SLC5A8: variants seen among roughly 807,000 people sequenced by gnomAD.
SLC5A8 encodes sodium-coupled monocarboxylate transporter 1.
Under a neutral mutation model 71.9 loss-of-function variants are expected in SLC5A8, and 55 were observed. That is an observed-to-expected ratio of 0.77 (90% CI 0.62 to 0.96). The LOEUF is 0.96. Among genes scored for constraint, SLC5A8 ranks in the 40% least tolerant of loss-of-function variants. The probability of loss-of-function intolerance (pLI) is 0.00; values close to 1 mark genes in which losing one functional copy is unlikely to be tolerated. For synonymous variants in SLC5A8, 307 were observed against 276.1 expected, an observed-to-expected ratio of 1.11 and a Z score of -1.11; for missense variants, 701 against 745.3, an observed-to-expected ratio of 0.94 and a Z score of 0.69.
chr12:101,182,454 G>A (rs1480829832), intron 9 of SLC5A8, among the ~76,000 whole-genome samples: 1 of 152,130 alleles, frequency 6.6e-6, no homozygotes, highest in African/African-American at 2.4e-5. Context: ...AGTTGAAAAG[G>A]AAAATAGTTG....
intron 9 of SLC5A8, 94 bp from the exon 10 acceptor site, chr12:101,180,190 A>G: frequency 3.2e-6 from 4 of 1,268,300 alleles, no homozygotes; most frequent in Admixed American, 3.4e-5. Context: ...TTCAAAGTGG[A>G]TAATATGACT....
rs372186123 is a variant in SLC5A8, at chr12:101,158,550, GTCTCTCTCTCTCTCTCTCTC to G, written c.1631-242_1631-223del. Among the ~76,000 whole-genome samples the G allele has an allele frequency of 5.5e-3, 267 of 48,466 alleles. 4 individuals carry two copies. Among genetic ancestry groups the G allele is most frequent in the Middle Eastern group, 0.017 (1 of 58 alleles). The allele number at this position is 48,466 out of a possible 152,430, so 31.8% of individuals were successfully genotyped here. A position where few individuals can be genotyped will look rare whatever the true frequency, so the allele number is the denominator to read the frequency against. On this transcript the variant is annotated intron_variant, in intron 13 of 14. Coordinates refer to ENST00000536262, the MANE Select transcript of SLC5A8 (RefSeq NM_145913.5). ...AAGCCTCTCACTATAATAAATATGA[GTCTCTCTCTCTCTCTCTCTC>G]TCTCTCTCTCTCTCTCTCTCTCTCT...
chr12:101,196,184 C>T (rs942610043), intron 3 of SLC5A8, among the ~76,000 whole-genome samples: 2 of 152,076 alleles, frequency 1.3e-5, no homozygotes, highest in Admixed American at 1.3e-4. Flanking sequence ...TCCAATAGGC[C>T]CCACTGTGTG....
intron 1 of SLC5A8, 105 bp from the exon 2 acceptor site, chr12:101,204,670 G>T: frequency 1.4e-6 from 1 of 703,110 alleles, no homozygotes; most frequent in African/African-American, 1.8e-5. Context: ...CTTCATAACT[G>T]ATTTGTATTC....
chr12:101,170,432 G>A (rs561789046), intron 10 of SLC5A8, among the ~76,000 whole-genome samples: 10 of 152,164 alleles, frequency 6.6e-5, no homozygotes, highest in African/African-American at 1.9e-4. Flanking sequence ...AAGGCAGCCC[G>A]CTAGGGACCC....
Position 101,209,702 on chromosome 12 carries a change from G to A in SLC5A8, c.147C>T (p.Gly49=). 2 of 1,613,348 alleles carry A rather than the reference G, an allele frequency of 1.2e-6. No individual in the cohort carries two copies. Among genetic ancestry groups the A allele is most frequent in the Non-Finnish European group, 1.7e-6 (2 of 1,180,032 alleles). ...CCACGGGCACTGCGGTCATTCTGCG[G>A]CCGCCCATCAGGAAGTCCTTGGAGG... ...QQTSKDFLMG[G]RRMTAVPVAL... Residue 49 remains glycine (G), a synonymous_variant, in exon 1 of 15, where the codon GGC becomes GGT. Transcript: ENST00000536262.
rs2051664477 is a variant in SLC5A8, at chr12:101,156,588, A to G, written c.*691T>C. 1 of 152,256 alleles carries G rather than the reference A, an allele frequency of 6.6e-6. No homozygotes were observed. The highest frequency in any genetic ancestry group is 1.5e-5 in the Non-Finnish European group (1 of 68,076). The allele number at this position is 152,256 out of a possible 1,614,324, so 9.4% of individuals were successfully genotyped here. Reference sequence around the variant, plus strand: ...ATGCAGATAAAAATTACAGTCTAAGAAAGGCAGTATCAGCAGCCAAAGCCC... The same window carrying G: ...ATGCAGATAAAAATTACAGTCTAAGGAAGGCAGTATCAGCAGCCAAAGCCC... On this transcript the variant is annotated 3_prime_UTR_variant, in exon 15 of 15. Coordinates refer to ENST00000536262, the MANE Select transcript of SLC5A8 (RefSeq NM_145913.5).
chr12:101,192,320 T>C (rs1296881330), intron 5 of SLC5A8, among the ~76,000 whole-genome samples: 2 of 152,236 alleles, frequency 1.3e-5, no homozygotes, highest in African/African-American at 4.8e-5. Context: ...AATTAACACA[T>C]TGACCCTGTC....
intron 10 of SLC5A8, among the ~76,000 whole-genome samples, chr12:101,172,829 G>A (rs1263706010): frequency 1.3e-5 from 2 of 152,288 alleles, no homozygotes; most frequent in African/African-American, 2.4e-5. Context: ...TCAGGGCCAG[G>A]AGAGTTGGTT....
At chr12:101,184,838 A>G (rs1159508691) in intron 7 of SLC5A8, among the ~76,000 whole-genome samples, 1 of 152,218 alleles carries the variant, frequency 6.6e-6, no homozygotes, top group African/African-American at 2.4e-5. Flanking sequence ...TCCTGATACT[A>G]ACTTGCTTTT....
chr12:101,196,209 G>A (rs557904434), intron 3 of SLC5A8, among the ~76,000 whole-genome samples: 1 of 152,170 alleles, frequency 6.6e-6, no homozygotes, highest in African/African-American at 2.4e-5. Flanking sequence ...TCTCCTCTGT[G>A]TGTCCATGTA....
At chr12:101,194,692 G>A (rs952089984) in intron 4 of SLC5A8, among the ~76,000 whole-genome samples, 1 of 152,046 alleles carries the variant, frequency 6.6e-6, no homozygotes, top group Non-Finnish European at 1.5e-5. Flanking sequence ...GCCCAGGCTG[G>A]TCTCAAATTC....
chr12:101,158,046 G>A (rs1165986504), intron 14 of SLC5A8, among the ~76,000 whole-genome samples: 8 of 152,140 alleles, frequency 5.3e-5, no homozygotes, highest in African/African-American at 7.2e-5. Context: ...TAGGTATAGC[G>A]TATCAGAGGA....
At chr12:101,166,909 G>T (rs1452613339) in intron 11 of SLC5A8, among the ~76,000 whole-genome samples, 3 of 152,016 alleles carry the variant, frequency 2.0e-5, no homozygotes, top group Admixed American at 6.6e-5. Context: ...AGGTATTGAG[G>T]CAGGGAGAGA....
chr12:101,163,964 C>T (rs747321752), intron 12 of SLC5A8, among the ~76,000 whole-genome samples: 1 of 152,094 alleles, frequency 6.6e-6, no homozygotes, highest in Non-Finnish European at 1.5e-5. Context: ...AAATCAATTC[C>T]AAAGTGGATT....
intron 10 of SLC5A8, among the ~76,000 whole-genome samples, chr12:101,175,318 A>G (rs1391457253): frequency 6.6e-6 from 1 of 152,146 alleles, no homozygotes; most frequent in Non-Finnish European, 1.5e-5. Flanking sequence ...GGATCTGTAG[A>G]ACTATAACAA....
intron 8 of SLC5A8, 101 bp from the exon 9 acceptor site, chr12:101,183,016 T>A: frequency 6.4e-6 from 2 of 313,970 alleles, no homozygotes; most frequent in Admixed American, 5.4e-5. Context: ...TTCTAAAATA[T>A]AACCTGATTT....
At position 101,202,179 on chromosome 12, in the gene SLC5A8, G is replaced by A; in HGVS notation, c.454C>T (p.Leu152=). Reference sequence around the variant, plus strand: ...TAAAATGTACCTTGATTCAAAGCCAGGGCAGGGGCATAAATAACAATTCCA... The same window carrying A: ...TAAAATGTACCTTGATTCAAAGCCAAGGCAGGGGCATAAATAACAATTCCA... The part of the protein sequence containing the change: ...YTGIVIYAPA[L]ALNQVTGFDL... The change falls in exon 3 of 15, where the codon CTG becomes TTG. Residue 152 remains leucine (L), a synonymous_variant. Transcript: ENST00000536262. 1 of 1,608,494 alleles carries A rather than the reference G, an allele frequency of 6.2e-7. No individual in the cohort carries two copies. The highest frequency in any genetic ancestry group is 1.3e-5 in the African/African-American group (1 of 74,410).
rs767127359 is a variant in SLC5A8, at chr12:101,209,661, G to A, written c.188C>T (p.Ala63Val). ...TAVPVALSLT[A>V]SFMSAVTVLG... ...GACAGTGACGGCTGACATGAAGCTA[G>A]CGGTGAGGGACAGCGCCACGGGCAC... is the stretch of plus-strand genomic sequence containing the variant. The change falls in exon 1 of 15, where the codon GCT becomes GTT. Residue 63 changes from alanine to valine, a missense_variant. Coordinates refer to ENST00000536262, the MANE Select transcript of SLC5A8 (RefSeq NM_145913.5). The A allele has an allele frequency of 6.2e-7, 1 of 1,613,930 alleles. No individual in the cohort carries two copies. The highest frequency in any genetic ancestry group is 1.7e-5 in the Admixed American group (1 of 60,038).
Sources: gnomAD v4.1 joint callset for allele counts (sites outside exome capture counted in the v4.1 genomes callset) on GRCh38, gnomAD v4.1.1 for gene constraint, MANE v1.5 for transcripts, NCBI Gene and HGNC (gene_info 2026-07-23, HGNC 2026-07-21) for gene names.